DCAF6: variants seen among roughly 807,000 people sequenced by gnomAD.
The protein encoded by DCAF6 is DDB1- and CUL4-associated factor 6.
DCAF6 carries 54 observed loss-of-function variants against 125.1 expected under a neutral mutation model. The observed-to-expected ratio is 0.43, with a 90% confidence interval of 0.35 to 0.54. The LOEUF (loss-of-function observed/expected upper bound fraction) is 0.54, where lower values mean the gene tolerates loss of function less well. Ranked by LOEUF, DCAF6 falls within the 20% of genes least tolerant of loss-of-function variation. DCAF6 has a pLI of 0.01. For missense variants in DCAF6, 934 were observed against 1,161.7 expected (o/e 0.80, Z 2.85); for synonymous variants, 371 against 390.4 (o/e 0.95, Z 0.58).
At position 167,976,606 on chromosome 1, in the gene DCAF6, C is replaced by G. The variant is rs936538321; in HGVS notation, c.438+1591C>G. On this transcript the variant is annotated intron_variant, in intron 4 of 21. Coordinates refer to ENST00000367840, the MANE Select transcript of DCAF6 (RefSeq NM_001198956.2). ...TTCTGGAGGTTACCCCAGCTACTTT[C>G]ACAAGAATATCGAACAAAGCCAAAT... Among the ~76,000 whole-genome samples, 13 of 152,310 alleles carry G rather than the reference C, an allele frequency of 8.5e-5. No homozygotes were observed. The East Asian group carries it at 2.3e-3, about 27-fold the overall frequency.
the DCAF6 span, chr1:167,905,114 C>T: frequency 1.9e-6 from 3 of 1,614,184 alleles, no homozygotes; most frequent in Admixed American, 1.7e-5. Context: ...TGGGCCAGTC[C>T]TGGAATTCTT....
chr1:167,998,843 C>T (rs1301412524), intron 7 of DCAF6: 2 of 152,758 alleles, frequency 1.3e-5, no homozygotes, highest in Non-Finnish European at 2.9e-5. Context: ...ACTTCCTCTA[C>T]TGAAGTCTTC....
rs373776357 is a variant in DCAF6, at chr1:168,032,216, A to T, written c.1610-6155A>T. On this transcript the variant is annotated intron_variant, in intron 12 of 21. Coordinates refer to ENST00000367840, the MANE Select transcript of DCAF6 (RefSeq NM_001198956.2). ...TTTGTTTCGTTTTGGCTTGCATAGT[A>T]TCACTTCTGTTTTATAAAGCCAGAT... Among the ~76,000 whole-genome samples, 117 of 152,356 alleles carry T rather than the reference A, an allele frequency of 7.7e-4. 1 individual carries two copies. In the South Asian group the frequency reaches 0.022, roughly 29 times the overall value.
chr1:168,018,511 C>A (rs868619989), intron 11 of DCAF6, among the ~76,000 whole-genome samples: 1 of 152,154 alleles, frequency 6.6e-6, no homozygotes, highest in Non-Finnish European at 1.5e-5. Flanking sequence ...CCTGCTACCC[C>A]TAAAGCTCCT....
At chr1:167,917,312 A>C in the DCAF6 span, 1 of 152,224 alleles carries the variant, frequency 6.6e-6, no homozygotes, top group Non-Finnish European at 1.5e-5. Context: ...CTAAAGTCAC[A>C]GCATAGGCTG....
chr1:168,049,089 AAGAC>A (rs1413401142), intron 16 of DCAF6, among the ~76,000 whole-genome samples: 3 of 152,250 alleles, frequency 2.0e-5, no homozygotes, highest in Non-Finnish European at 4.4e-5. Flanking sequence ...AAATTGAAAA[AAGAC>A]AGAAAGAAAT....
At chr1:168,002,439 GAGTTTT>G in intron 7 of DCAF6, 37 bp from the exon 8 acceptor site, 1 of 1,528,272 alleles carries the variant, frequency 6.5e-7, no homozygotes, top group East Asian at 2.3e-5. Context: ...GAGAGTAGAT[GAGTTTT>G]AGACTTACAT....
chr1:167,889,098 G>C, the DCAF6 span, among the ~76,000 whole-genome samples: 7 of 151,968 alleles, frequency 4.6e-5, no homozygotes, highest in Admixed American at 1.3e-4. Flanking sequence ...TGATTACATA[G>C]GACTTCCAGT....
intron 11 of DCAF6, among the ~76,000 whole-genome samples, chr1:168,022,388 C>G (rs544158210): frequency 4.1e-4 from 63 of 152,192 alleles, no homozygotes; most frequent in Non-Finnish European, 8.2e-4. Flanking sequence ...GCTAAAGAAA[C>G]TTGAGCCTTT....
the DCAF6 span, among the ~76,000 whole-genome samples, chr1:167,919,785 C>T: frequency 1.3e-5 from 2 of 151,968 alleles, no homozygotes; most frequent in Non-Finnish European, 2.9e-5. Context: ...TTTGTAAACC[C>T]CTAGACTTTT....
chr1:167,976,824 C>T (rs564046853), intron 4 of DCAF6, among the ~76,000 whole-genome samples: 25 of 148,308 alleles, frequency 1.7e-4, no homozygotes, highest in Non-Finnish European at 3.1e-4. Context: ...TTTACCTTTC[C>T]TTCTTCCCAT....
At chr1:167,968,908 C>T (rs1479881260) in intron 3 of DCAF6, among the ~76,000 whole-genome samples, 1 of 152,156 alleles carries the variant, frequency 6.6e-6, no homozygotes, top group Non-Finnish European at 1.5e-5. Flanking sequence ...GCACAGTAGT[C>T]TTACCTTTAT....
the DCAF6 span, among the ~76,000 whole-genome samples, chr1:167,884,006 T>C: frequency 6.6e-6 from 1 of 152,240 alleles, no homozygotes. Context: ...ATTTTTGTGT[T>C]ACATGAGATA....
At chr1:167,998,952 A>G (rs1019376029) in intron 7 of DCAF6, among the ~76,000 whole-genome samples, 1 of 152,090 alleles carries the variant, frequency 6.6e-6, no homozygotes, top group Admixed American at 6.5e-5. Context: ...AGTTCTTAAT[A>G]AGGCATCTAG....
chr1:168,062,583 T>C (rs187438761), intron 17 of DCAF6, among the ~76,000 whole-genome samples: 1 of 152,266 alleles, frequency 6.6e-6, no homozygotes, highest in Admixed American at 6.5e-5. Context: ...GCATCTTTTA[T>C]ATATTTGTTA....
In DCAF6 at chr1:168,055,337, T is replaced by G. The variant is rs1176862075; in HGVS notation, c.2300+4404T>G. ...TGAAAAAAATCAGGCTTAAGTTTTT[T>G]TTTTTTTTTTTTTTTTTTTTTTTAA... On this transcript the variant is annotated intron_variant, in intron 17 of 21. Coordinates refer to ENST00000367840, the MANE Select transcript of DCAF6 (RefSeq NM_001198956.2). Among the ~76,000 whole-genome samples, 11 of 6,448 alleles carry G rather than the reference T, an allele frequency of 1.7e-3. 1 individual carries two copies. The highest frequency in any genetic ancestry group is 2.3e-3 in the Non-Finnish European group (9 of 3,950). 4.2% of individuals were successfully genotyped at this position (6,448 alleles called of 152,430 possible).
At chr1:167,891,050 C>T in the DCAF6 span, among the ~76,000 whole-genome samples, 1 of 152,086 alleles carries the variant, frequency 6.6e-6, no homozygotes, top group Admixed American at 6.5e-5. Flanking sequence ...CAACCTCCGC[C>T]TCCTGGGTTC....
intron 7 of DCAF6, among the ~76,000 whole-genome samples, chr1:167,994,460 A>G (rs533740545): frequency 6.6e-6 from 1 of 152,168 alleles, no homozygotes; most frequent in African/African-American, 2.4e-5. Flanking sequence ...TTTCTGTCCC[A>G]ATTGTGCCTC....
At chr1:168,040,054 A>G (rs1420305929) in intron 13 of DCAF6, among the ~76,000 whole-genome samples, 1 of 152,030 alleles carries the variant, frequency 6.6e-6, no homozygotes, top group Non-Finnish European at 1.5e-5. Context: ...AGTATGTTAG[A>G]AGGACAATGG....
Sources: gnomAD v4.1 joint callset for allele counts (sites outside exome capture counted in the v4.1 genomes callset) on GRCh38, gnomAD v4.1.1 for gene constraint, MANE v1.5 for transcripts, NCBI Gene and HGNC (gene_info 2026-07-23, HGNC 2026-07-21) for gene names.